Variants in SERPINB13 observed in about 807,000 individuals in gnomAD.
SERPINB13 encodes the protein serpin family B member 13, also known as serpin B13.
SERPINB13 carries 26 observed loss-of-function variants against 31.2 expected under a neutral mutation model. That is an observed-to-expected ratio of 0.83 (90% CI 0.61 to 1.15). The LOEUF is 1.15. Among genes scored for constraint, SERPINB13 ranks in the 50% most tolerant of loss-of-function variants. SERPINB13 has a pLI of 0.00. For missense variants in SERPINB13, 510 were observed against 469.4 expected (o/e 1.09, Z -0.80); for synonymous variants, 191 against 172.4 (o/e 1.11, Z -0.85).
At position 63,588,687 on chromosome 18, in the gene SERPINB13, T is replaced by C; in HGVS notation, c.20T>C (p.Val7Ala). MDSLGA[V>A]STRLGFDLFK... ...ATCATCATGGATTCACTTGGCGCCGTCAGCACTCGACTTGGGTTTGATCTT... is the reference window on the plus strand; with the variant it reads ...ATCATCATGGATTCACTTGGCGCCGCCAGCACTCGACTTGGGTTTGATCTT... Residue 7 changes from valine (V) to alanine (A), a missense_variant, in exon 2 of 8, where the codon GTC becomes GCC. By Grantham distance (64) the Val-to-Ala change is moderately conservative (BLOSUM62 0). Transcript: ENST00000344731. 6.2e-7 allele frequency: 1 copy of C among 1,614,210 alleles called. No homozygotes were observed. The highest frequency in any genetic ancestry group is 8.5e-7 in the Non-Finnish European group (1 of 1,180,024).
chr18:63,588,845 C>T lies in SERPINB13; in HGVS notation c.165+13C>T. The T allele has an allele frequency of 1.9e-6, 3 of 1,610,448 alleles. No homozygotes were observed. Among genetic ancestry groups the T allele is most frequent in the African/African-American group, 2.7e-5 (2 of 74,410 alleles). On this transcript the variant is annotated intron_variant, in intron 2 of 7. Transcript: ENST00000344731. ...CCAGTTGGAGGAGGTTGGGCGCAGT[C>T]AGGGGGCTTCCTTGTTTCCTATGCA...
In SERPINB13 at chr18:63,587,377, G is replaced by A. The variant is rs202012828; in HGVS notation, c.-91G>A. 2.3e-4 allele frequency: 109 copies of A among 469,208 alleles called. No individual in the cohort carries two copies. The highest frequency in any genetic ancestry group is 3.5e-4 in the Non-Finnish European group (79 of 226,470). 29.1% of individuals were successfully genotyped at this position (469,208 alleles called of 1,614,324 possible). A position where few individuals can be genotyped will look rare whatever the true frequency, so the allele number is the denominator to read the frequency against. ...GCAGATGTGGAGAACTATAAATTAA[G>A]GATCCCAGCTACTTAATTGACTTAT... On this transcript the variant is annotated 5_prime_UTR_variant, in exon 1 of 8. Transcript: ENST00000344731.
intron 3 of SERPINB13, among the ~76,000 whole-genome samples, 168 bp from the exon 4 acceptor site, chr18:63,592,180 T>C (rs1258727467): frequency 6.6e-6 from 1 of 152,110 alleles, no homozygotes; most frequent in African/African-American, 2.4e-5. Context: ...GACATTATCA[T>C]ATGACTTGGG....
At chr18:63,587,642 T>C (rs1263456589) in intron 1 of SERPINB13, among the ~76,000 whole-genome samples, 192 bp downstream of exon 1, 1 of 152,258 alleles carries the variant, frequency 6.6e-6, no homozygotes, top group East Asian at 1.9e-4. Flanking sequence ...AGTTAACCTG[T>C]AAAGGATCTC....
intron 5 of SERPINB13, among the ~76,000 whole-genome samples, chr18:63,593,461 C>T (rs1356743849): frequency 6.6e-6 from 1 of 152,188 alleles, no homozygotes; most frequent in African/African-American, 2.4e-5. Context: ...ACAGCTGGGG[C>T]CACCTAGTCT....
chr18:63,597,099 G>C lies in SERPINB13; in HGVS notation c.912G>C (p.Gly304=). 6.2e-7 allele frequency: 1 copy of C among 1,614,220 alleles called. No homozygotes were observed. The highest frequency in any genetic ancestry group is 1.1e-5 in the South Asian group (1 of 91,084). ...YDLEAVLAAM[G]MGDAFSEHKA... is the part of the protein sequence containing the mutation. The stretch of plus-strand genomic sequence containing the variant: ...TAGAGGCGGTCCTGGCTGCCATGGG[G>C]ATGGGCGATGCCTTCAGTGAGCACA... Residue 304 remains glycine, a synonymous_variant, in exon 8 of 8, where the codon GGG becomes GGC. Coordinates refer to ENST00000344731, the MANE Select transcript of SERPINB13 (RefSeq NM_012397.4).
intron 4 of SERPINB13, 105 bp downstream of exon 4, chr18:63,592,581 A>G: frequency 8.6e-7 from 1 of 1,160,488 alleles, no homozygotes; most frequent in South Asian, 1.5e-5. Flanking sequence ...CTCTGGCCAC[A>G]TCCCTGTGGT....
chr18:63,589,694 A>G lies in SERPINB13; in HGVS notation c.204A>G (p.Ile68Met), dbSNP rs1162271155. ...AAAAAGAGACGAAGAGCTCAAGAATAAAGGCTGAAGAAAAAGAGGTGGTAA... is the reference window on the plus strand; with the variant it reads ...AAAAAGAGACGAAGAGCTCAAGAATGAAGGCTGAAGAAAAAGAGGTGGTAA... ...HSEKETKSSR[I>M]KAEEKEVIEN... Residue 68 changes from isoleucine (I) to methionine (M), a missense_variant, in exon 3 of 8, where the codon ATA (isoleucine) becomes ATG (methionine). Physicochemically the swap from Ile to Met is conservative, Grantham distance 10 (BLOSUM62 1). Coordinates refer to ENST00000344731, the MANE Select transcript of SERPINB13 (RefSeq NM_012397.4). 1 of 1,613,332 alleles carries G rather than the reference A, an allele frequency of 6.2e-7. No individual in the cohort carries two copies. The highest frequency in any genetic ancestry group is 1.3e-5 in the African/African-American group (1 of 74,890).
At chr18:63,589,600 C>A in intron 2 of SERPINB13, 56 bp from the exon 3 acceptor site, 1 of 1,590,302 alleles carries the variant, frequency 6.3e-7, no homozygotes, top group South Asian at 1.2e-5. Context: ...CTGACTGATT[C>A]TGTGTGAGGT....
chr18:63,596,140 G>T (rs1398468074), intron 7 of SERPINB13, among the ~76,000 whole-genome samples: 6 of 152,062 alleles, frequency 3.9e-5, no homozygotes, highest in African/African-American at 1.4e-4. Flanking sequence ...AGCCTAGAAG[G>T]GGTCTAGGAC....
In SERPINB13 at chr18:63,592,396, G is replaced by C. The variant is rs895271820; in HGVS notation, c.274G>C (p.Glu92Gln). The C allele has an allele frequency of 7.8e-5, 125 of 1,612,628 alleles. No homozygotes were observed. Among genetic ancestry groups the C allele is most frequent in the Non-Finnish European group, 1.0e-4 (123 of 1,179,388 alleles). Residue 92 changes from glutamate to glutamine, a missense_variant, in exon 4 of 8, where the codon GAA becomes CAA. Transcript: ENST00000344731. Reference protein sequence around the residue: ...VHQQFQKFLTEISKLTNDYEL... With the variant: ...VHQQFQKFLTQISKLTNDYEL... ...TCAACAATTCCAAAAGTTTTTGACTGAAATAAGCAAACTCACTAATGATTA... is the reference window on the plus strand; with the variant it reads ...TCAACAATTCCAAAAGTTTTTGACTCAAATAAGCAAACTCACTAATGATTA...
At chr18:63,595,713 C>G (rs1478763742) in intron 7 of SERPINB13, among the ~76,000 whole-genome samples, 1 of 151,976 alleles carries the variant, frequency 6.6e-6, no homozygotes, top group Non-Finnish European at 1.5e-5. Context: ...TCCTGGCTAA[C>G]ACGGTGAAAC....
rs1441940808 is a variant in SERPINB13 at position 63,588,675 on chromosome 18, C to T, written c.8C>T (p.Ser3Leu). The change falls in exon 2 of 8, where the codon TCA becomes TTA. Residue 3 changes from serine to leucine, a missense_variant. By Grantham distance (145) the Ser-to-Leu change is moderately radical. Coordinates refer to ENST00000344731, the MANE Select transcript of SERPINB13 (RefSeq NM_012397.4). ...GGTCTCGCTAAAATCATCATGGATT[C>T]ACTTGGCGCCGTCAGCACTCGACTT... MD[S>L]LGAVSTRLGF... The T allele has an allele frequency of 6.2e-7, 1 of 1,614,120 alleles. No homozygotes were observed. Among genetic ancestry groups the T allele is most frequent in the Admixed American group, 1.7e-5 (1 of 60,018 alleles).
rs1912226231 is a variant in SERPINB13, at chr18:63,597,147, G to A, written c.960G>A (p.Ser320=). The change falls in exon 8 of 8, where the codon TCG becomes TCA. Residue 320 remains serine (S), a synonymous_variant. Coordinates refer to ENST00000344731, the MANE Select transcript of SERPINB13 (RefSeq NM_012397.4). ...SEHKADYSGM[S]SGSGLYAQKF... is the part of the protein sequence containing the mutation. ...ACAAAGCCGACTACTCGGGAATGTCGTCAGGCTCCGGGTTGTACGCCCAGA... is the reference window on the plus strand; with the variant it reads ...ACAAAGCCGACTACTCGGGAATGTCATCAGGCTCCGGGTTGTACGCCCAGA... The A allele has an allele frequency of 1.2e-6, 2 of 1,614,218 alleles. No homozygotes were observed. The highest frequency in any genetic ancestry group is 1.1e-5 in the South Asian group (1 of 91,082).
chr18:63,589,594 C>G lies in SERPINB13; in HGVS notation c.166-62C>G, dbSNP rs117688723. 15,425 of 1,584,390 alleles carry G rather than the reference C, an allele frequency of 9.7e-3. 108 individuals are homozygous for G. Among genetic ancestry groups the G allele is most frequent in the Non-Finnish European group, 0.011 (12,846 of 1,166,624 alleles). ...TTCAGAAGCGTCCACTCTCCCCTGA[C>G]TGATTCTGTGTGAGGTTTTCTCTTC... is the stretch of plus-strand genomic sequence containing the variant. On this transcript the variant is annotated intron_variant, in intron 2 of 7. Transcript: ENST00000344731.
Position 63,597,530 on chromosome 18 carries a change from C to T in SERPINB13, c.*167C>T, listed in dbSNP as rs905255751. ...CTCCAATAATGTGTGTGTTTATAAC[C>T]ATCCTCGAAAGTGAAATGTCCTTTT... is the stretch of plus-strand genomic sequence containing the variant. On this transcript the variant is annotated 3_prime_UTR_variant, in exon 8 of 8. Coordinates refer to ENST00000344731, the MANE Select transcript of SERPINB13 (RefSeq NM_012397.4). 1.4e-6 allele frequency: 1 copy of T among 714,408 alleles called. No homozygotes were observed. Among genetic ancestry groups the T allele is most frequent in the African/African-American group, 1.8e-5 (1 of 56,052 alleles). 44.3% of individuals were successfully genotyped at this position (714,408 alleles called of 1,614,324 possible).
At chr18:63,596,854 A>T in intron 7 of SERPINB13, 105 bp from the exon 8 acceptor site, 2 of 919,352 alleles carry the variant, frequency 2.2e-6, no homozygotes, top group South Asian at 2.1e-5. Flanking sequence ...TTCTACTTTT[A>T]ATATTACTAA....
chr18:63,588,143 A>G (rs1911618938), intron 1 of SERPINB13, among the ~76,000 whole-genome samples: 1 of 152,200 alleles, frequency 6.6e-6, no homozygotes, highest in African/African-American at 2.4e-5. Flanking sequence ...CAATTGAGAA[A>G]TAGTATCAGA....
intron 7 of SERPINB13, among the ~76,000 whole-genome samples, chr18:63,595,771 C>T (rs1004547204): frequency 6.6e-6 from 1 of 151,916 alleles, no homozygotes; most frequent in Non-Finnish European, 1.5e-5. Context: ...TGGTTGTGGG[C>T]GCCTGTAGTC....
Sources: allele counts gnomAD v4.1 joint callset (sites outside exome capture counted in the v4.1 genomes callset), GRCh38; gene constraint gnomAD v4.1.1; transcripts MANE v1.5; gene names NCBI Gene and HGNC (gene_info 2026-07-23, HGNC 2026-07-21).